The following CCDC88A variants were observed in gnomAD, a reference collection of about 807,000 sequenced individuals.
CCDC88A encodes coiled-coil and HOOK domain protein 88A.
A neutral mutation model predicts 234.3 loss-of-function variants in CCDC88A; 54 were observed. That is an observed-to-expected ratio of 0.23 (90% CI 0.19 to 0.29). The LOEUF is 0.29. Among genes scored for constraint, CCDC88A ranks in the 10% least tolerant of loss-of-function variants. CCDC88A has a pLI of 1.00. For synonymous variants in CCDC88A, 753 were observed against 737.8 expected (o/e 1.02, Z -0.33); for missense variants, 1,832 against 2,123.4 (o/e 0.86, Z 2.70).
At chr2:55,348,021 G>C (rs1007468723) in intron 9 of CCDC88A, among the ~76,000 whole-genome samples, 2 of 151,950 alleles carry the variant, frequency 1.3e-5, no homozygotes, top group African/African-American at 2.4e-5. Flanking sequence ...CTGATCACTG[G>C]CACATTCACA....
At position 55,318,893 on chromosome 2, in the gene CCDC88A, A is replaced by T. The variant is rs1348545130; in HGVS notation, c.3274T>A (p.Ser1092Thr). The change falls in exon 19 of 33, where the codon TCA becomes ACA. Residue 1092 changes from serine to threonine, a missense_variant. Ser to Thr is a moderately conservative substitution (Grantham distance 58). Transcript: ENST00000436346. ...QILALQRQTVSLQEQNTTLQT... is the reference protein window; with the variant it reads ...QILALQRQTVTLQEQNTTLQT... ...AGAGTGGTATTCTGTTCTTGTAATG[A>T]CACTGTCTGCCTCTGAAGTGCAAGA... 6.2e-7 allele frequency: 1 copy of T among 1,612,764 alleles called. No homozygotes were observed. Among genetic ancestry groups the T allele is most frequent in the Non-Finnish European group, 8.5e-7 (1 of 1,179,206 alleles).
chr2:55,327,764 C>G (rs1011612625), intron 17 of CCDC88A, among the ~76,000 whole-genome samples: 1 of 152,162 alleles, frequency 6.6e-6, no homozygotes, highest in Admixed American at 6.5e-5. Context: ...GATTTACTTC[C>G]TTAGGGAAAA....
At chr2:55,348,136 T>TC (rs1215771417) in intron 9 of CCDC88A, among the ~76,000 whole-genome samples, 5 of 152,044 alleles carry the variant, frequency 3.3e-5, no homozygotes, top group Non-Finnish European at 7.4e-5. Context: ...GCTAATTTTT[T>TC]CATTTTTTTG....
chr2:55,325,278 A>G (rs2576706), intron 17 of CCDC88A, among the ~76,000 whole-genome samples: 62,425 of 152,056 alleles, frequency 0.41, 13,496 homozygotes, highest in East Asian at 0.85. Flanking sequence ...CCTTAAATTC[A>G]TCCATAAGTA....
In CCDC88A at chr2:55,334,693, C is replaced by T. The variant is rs781643020; in HGVS notation, c.2128G>A (p.Val710Ile). Residue 710 changes from valine to isoleucine, a missense_variant, in exon 15 of 33, where the codon GTA becomes ATA. By Grantham distance (29) the Val-to-Ile change is conservative. Transcript: ENST00000436346. The surrounding 1 kb of genome is among the most constrained non-coding windows in gnomAD (Gnocchi z 6.1). The stretch of plus-strand genomic sequence containing the variant: ...ATGCTTGCACACTTCAAAGATTCTA[C>T]ATTCCTTCGCAGTTCTAAGTTTTCC... ...DEENLELRRN[V>I]ESLKCASMKM... The T allele has an allele frequency of 3.7e-6, 6 of 1,613,658 alleles. No homozygotes were observed. Among genetic ancestry groups the T allele is most frequent in the South Asian group, 1.1e-5 (1 of 91,038 alleles).
Position 55,339,372 on chromosome 2 carries a change from C to G in CCDC88A, c.1518+92G>C, listed in dbSNP as rs7561604. 0.015 allele frequency: 17,201 copies of G among 1,112,156 alleles called. 1,401 individuals carry two copies. In the African/African-American group the frequency reaches 0.21, roughly 13 times the overall value. The allele number at this position is 1,112,156 out of a possible 1,614,324, so 68.9% of individuals were successfully genotyped here. ...CATAACAAGTTAAAATAACATTGAG[C>G]GTGCATTTAAAAAGTGGAAAATAAA... is the stretch of plus-strand genomic sequence containing the variant. On this transcript the variant is annotated intron_variant, in intron 13 of 32. Coordinates refer to ENST00000436346, the MANE Select transcript of CCDC88A (RefSeq NM_001365480.1).
At chr2:55,311,615 G>T (rs1682360825) in intron 23 of CCDC88A, among the ~76,000 whole-genome samples, 1 of 152,218 alleles carries the variant, frequency 6.6e-6, no homozygotes. Context: ...ACATGAATTA[G>T]AAGCTGTCTA....
chr2:55,339,762 T>G, intron 12 of CCDC88A, 114 bp from the exon 13 acceptor site: 1 of 707,258 alleles, frequency 1.4e-6, no homozygotes, highest in South Asian at 2.6e-5. Context: ...ATCCTTAACT[T>G]TATTAAAAAT....
At position 55,317,925 on chromosome 2, in the gene CCDC88A, G is replaced by A; in HGVS notation, c.3325-84C>T. 9.9e-7 allele frequency: 1 copy of A among 1,011,244 alleles called. No homozygotes were observed. The highest frequency in any genetic ancestry group is 1.4e-6 in the Non-Finnish European group (1 of 692,360). 62.6% of individuals were successfully genotyped at this position (1,011,244 alleles called of 1,614,324 possible). A position where few individuals can be genotyped will look rare whatever the true frequency, so the allele number is the denominator to read the frequency against. ...ATACAAGATTACAATGTTAATTAAA[G>A]AAAGCTCTAAATGAATCACAGCACA... On this transcript the variant is annotated intron_variant, in intron 19 of 32. Transcript: ENST00000436346. This position sits in a 1 kb window ranked among gnomAD's most constrained non-coding sequence, Gnocchi z 4.2.
Position 55,309,348 on chromosome 2 carries a change from A to G in CCDC88A, c.4080-94T>C. 1.8e-6 allele frequency: 1 copy of G among 554,610 alleles called. No homozygotes were observed. The highest frequency in any genetic ancestry group is 3.1e-5 in the South Asian group (1 of 32,758). 34.4% of individuals were successfully genotyped at this position (554,610 alleles called of 1,614,324 possible). On this transcript the variant is annotated intron_variant, in intron 23 of 32. Transcript: ENST00000436346. The surrounding 1 kb of genome is among the most constrained non-coding windows in gnomAD (Gnocchi z 5.1). Reference sequence around the variant, plus strand: ...GGTGACTGTGATCTAATGTCTCCCCAAAACATAAAAAAATACAGATACCAT... The same window carrying G: ...GGTGACTGTGATCTAATGTCTCCCCGAAACATAAAAAAATACAGATACCAT...
At chr2:55,394,842 G>A (rs1677266595) in intron 2 of CCDC88A, among the ~76,000 whole-genome samples, 1 of 151,090 alleles carries the variant, frequency 6.6e-6, no homozygotes, top group Non-Finnish European at 1.5e-5. Flanking sequence ...AAATGTTTTT[G>A]TTTTTGTTTT....
Position 55,315,934 on chromosome 2 carries a change from C to T in CCDC88A, c.3927G>A (p.Gln1309=). The change falls in exon 22 of 33, where the codon CAG becomes CAA. Residue 1309 remains glutamine, a synonymous_variant. Transcript: ENST00000436346. ...LDITSTKLNN[Q]CELLSQLKGN... Reference sequence around the variant, plus strand: ...TTAAACTTTTTAAGCTCACCTCACACTGGTTATTCAGCTTGGTTGATGTAA... The same window carrying T: ...TTAAACTTTTTAAGCTCACCTCACATTGGTTATTCAGCTTGGTTGATGTAA... 7 of 1,529,146 alleles carry T rather than the reference C, an allele frequency of 4.6e-6. No individual in the cohort carries two copies. Among genetic ancestry groups the T allele is most frequent in the Non-Finnish European group, 6.1e-6 (7 of 1,139,742 alleles). The allele number at this position is 1,529,146 out of a possible 1,614,324, so 94.7% of individuals were successfully genotyped here.
Position 55,362,371 on chromosome 2 carries a change from T to C in CCDC88A, c.564A>G (p.Pro188=). The C allele has an allele frequency of 6.3e-7, 1 of 1,599,766 alleles. No individual in the cohort carries two copies. Residue 188 remains proline (P), a synonymous_variant, in exon 7 of 33, where the codon CCA becomes CCG. Coordinates refer to ENST00000436346, the MANE Select transcript of CCDC88A (RefSeq NM_001365480.1). Reference sequence around the variant, plus strand: ...GATGCAATGCCATATTTTTCAAGAGTGGTTCTATGTCCTCCTGCGACATAT... The same window carrying C: ...GATGCAATGCCATATTTTTCAAGAGCGGTTCTATGTCCTCCTGCGACATAT... The part of the protein sequence containing the change: ...VTDMSQEDIE[P]LLKNMALHLK...
chr2:55,416,163 T>G (rs942107739), intron 2 of CCDC88A, among the ~76,000 whole-genome samples: 38 of 151,664 alleles, frequency 2.5e-4, no homozygotes, highest in African/African-American at 9.2e-4. Context: ...AGACAGAGCA[T>G]GAAAAACATA....
At chr2:55,394,226 A>G (rs997274340) in intron 2 of CCDC88A, 15 of 152,138 alleles carry the variant, frequency 9.9e-5, no homozygotes, top group African/African-American at 3.6e-4. Flanking sequence ...ATGGTTTCCA[A>G]CTTCATCCAT....
intron 7 of CCDC88A, among the ~76,000 whole-genome samples, chr2:55,360,768 T>C (rs950871165): frequency 2.0e-5 from 3 of 152,272 alleles, no homozygotes; most frequent in East Asian, 1.9e-4. Context: ...GATCAAACAT[T>C]TTATACGCAC....
rs1485383638 is a variant in CCDC88A, at chr2:55,290,926, T to A, written c.*274A>T. 1.3e-5 allele frequency: 2 copies of A among 152,550 alleles called. No individual in the cohort carries two copies. Among genetic ancestry groups the A allele is most frequent in the Non-Finnish European group, 2.9e-5 (2 of 67,972 alleles). The allele number at this position is 152,550 out of a possible 1,614,324, so 9.4% of individuals were successfully genotyped here. A position where few individuals can be genotyped will look rare whatever the true frequency, so the allele number is the denominator to read the frequency against. On this transcript the variant is annotated 3_prime_UTR_variant, in exon 33 of 33. Coordinates refer to ENST00000436346, the MANE Select transcript of CCDC88A (RefSeq NM_001365480.1). ...TAGTGAGAGAACGTCCTTTATTCAG[T>A]AGATCTTAACAGTACAAGGTATAGT...
chr2:55,369,873 T>A (rs771947790), intron 5 of CCDC88A, among the ~76,000 whole-genome samples: 1 of 152,214 alleles, frequency 6.6e-6, no homozygotes, highest in Non-Finnish European at 1.5e-5. Flanking sequence ...ACGGTAATTA[T>A]CACCTCAAAC....
chr2:55,400,561 T>C (rs1031263076), intron 2 of CCDC88A, among the ~76,000 whole-genome samples: 12 of 152,230 alleles, frequency 7.9e-5, no homozygotes, highest in Non-Finnish European at 1.6e-4. Context: ...AGTAGTATTA[T>C]CAACCACTGT....
Sources: gnomAD v4.1 joint callset for allele counts (sites outside exome capture counted in the v4.1 genomes callset) on GRCh38, gnomAD v4.1.1 for gene constraint, Gnocchi (gnomAD v3.1) non-coding constraint, MANE v1.5 for transcripts, NCBI Gene and HGNC (gene_info 2026-07-23, HGNC 2026-07-21) for gene names.